RSRC1: variants seen among roughly 807,000 people sequenced by gnomAD.
RSRC1 encodes arginine and serine rich coiled-coil 1, also known as serine/Arginine-related protein 53.
RSRC1 carries 39 observed loss-of-function variants against 49.1 expected under a neutral mutation model. That is an observed-to-expected ratio of 0.79 (90% CI 0.61 to 1.04). RSRC1 has a LOEUF of 1.04. Ranked by LOEUF, RSRC1 falls within the 50% of genes least tolerant of loss-of-function variation. The probability of loss-of-function intolerance (pLI) is 0.00; values close to 1 mark genes in which losing one functional copy is unlikely to be tolerated. For synonymous variants in RSRC1, 143 were observed against 130.8 expected, an observed-to-expected ratio of 1.09 and a Z score of -0.63; for missense variants, 388 against 402.4, an observed-to-expected ratio of 0.96 and a Z score of 0.31.
intron 4 of RSRC1, among the ~76,000 whole-genome samples, chr3:158,264,332 A>G (rs1372996532): frequency 6.6e-6 from 1 of 152,188 alleles, no homozygotes; most frequent in Non-Finnish European, 1.5e-5. Flanking sequence ...GAGTTTCTAG[A>G]TATCTTTTTG....
chr3:158,386,974 C>T (rs1733001318), intron 6 of RSRC1, among the ~76,000 whole-genome samples: 1 of 151,798 alleles, frequency 6.6e-6, no homozygotes, highest in Admixed American at 6.6e-5. Context: ...AAAAGAAATT[C>T]CATGAAGTAC....
chr3:158,357,663 TAAG>T (rs10563221), intron 6 of RSRC1, among the ~76,000 whole-genome samples: 11,159 of 151,996 alleles, frequency 0.073, 1,408 homozygotes, highest in African/African-American at 0.26. Flanking sequence ...AGCAAATAAA[TAAG>T]AAGAACTTGA....
intron 7 of RSRC1, among the ~76,000 whole-genome samples, chr3:158,462,862 A>G (rs1424448915): frequency 6.6e-6 from 1 of 151,916 alleles, no homozygotes; most frequent in African/African-American, 2.4e-5. Context: ...TTTTTCTTTC[A>G]GTTCCTGAGA....
intron 6 of RSRC1, among the ~76,000 whole-genome samples, chr3:158,430,838 A>G (rs1415331154): frequency 6.6e-6 from 1 of 151,958 alleles, no homozygotes; most frequent in African/African-American, 2.4e-5. Context: ...GATGTAAAAT[A>G]TCACATCCAG....
At chr3:158,427,539 C>T (rs1026883379) in intron 6 of RSRC1, among the ~76,000 whole-genome samples, 2 of 151,648 alleles carry the variant, frequency 1.3e-5, no homozygotes, top group African/African-American at 4.8e-5. Context: ...TTTCGCTTGA[C>T]CAAATTTTTT....
At chr3:158,237,757 A>T (rs1273817741) in intron 4 of RSRC1, among the ~76,000 whole-genome samples, 1 of 151,926 alleles carries the variant, frequency 6.6e-6, no homozygotes. Context: ...GCAGACAGGG[A>T]CAATTTGACT....
At chr3:158,498,903 T>C (rs531865430) in intron 7 of RSRC1, among the ~76,000 whole-genome samples, 2 of 152,298 alleles carry the variant, frequency 1.3e-5, no homozygotes, top group African/African-American at 4.8e-5. Context: ...TATTTCCGTG[T>C]TCTCTATTCT....
chr3:158,121,982 G>A (rs1321342495), intron 1 of RSRC1, 121 bp from the exon 2 acceptor site: 1 of 537,598 alleles, frequency 1.9e-6, no homozygotes, highest in East Asian at 3.5e-5. Context: ...TCCAGCCTGG[G>A]ATACAGAGGG....
At chr3:158,205,168 T>C (rs1487050619) in intron 4 of RSRC1, among the ~76,000 whole-genome samples, 1 of 152,170 alleles carries the variant, frequency 6.6e-6, no homozygotes, top group Non-Finnish European at 1.5e-5. Context: ...CACTGGGGAC[T>C]GATGCCAAAA....
At chr3:158,442,783 G>A (rs2108376345) in intron 6 of RSRC1, among the ~76,000 whole-genome samples, 1 of 151,924 alleles carries the variant, frequency 6.6e-6, no homozygotes, top group South Asian at 2.1e-4. Context: ...CATTTTATAG[G>A]GCTATAGCTG....
At chr3:158,474,340 G>A (rs1188485044) in intron 7 of RSRC1, among the ~76,000 whole-genome samples, 1 of 152,168 alleles carries the variant, frequency 6.6e-6, no homozygotes, top group East Asian at 1.9e-4. Context: ...AAAAACCAAT[G>A]TACATACCTT....
chr3:158,288,840 C>G (rs1356059482), intron 4 of RSRC1, among the ~76,000 whole-genome samples: 2 of 87,156 alleles, frequency 2.3e-5, no homozygotes, highest in Admixed American at 2.6e-4. Flanking sequence ...TCCCCGCCCC[C>G]CCCCCCCCCA....
At chr3:158,287,569 T>C (rs1025932113) in intron 4 of RSRC1, among the ~76,000 whole-genome samples, 4 of 152,132 alleles carry the variant, frequency 2.6e-5, no homozygotes, top group African/African-American at 9.7e-5. Context: ...TGTCCAAAAA[T>C]AAGGGATAAG....
Position 158,518,118 on chromosome 3 carries a change from G to GCA in RSRC1, c.653-18974_653-18973insCA, listed in dbSNP as rs1341871336. 9.8e-4 allele frequency among the ~76,000 whole-genome samples: 74 copies of GCA among 75,752 alleles called. 1 individual carries two copies. The highest frequency in any genetic ancestry group is 4.2e-3 in the African/African-American group (63 of 14,860). 49.7% of individuals were successfully genotyped at this position (75,752 alleles called of 152,430 possible). The stretch of plus-strand genomic sequence containing the variant: ...TGCGTGTGTGTGTGTGTGTGTGTGT[G>GCA]TGTGTGTGTATATATATATATATAT... On this transcript the variant is annotated intron_variant, in intron 7 of 9. Coordinates refer to ENST00000611884, the MANE Select transcript of RSRC1 (RefSeq NM_001271838.2).
chr3:158,498,035 G>T (rs1739429647), intron 7 of RSRC1, among the ~76,000 whole-genome samples: 1 of 152,142 alleles, frequency 6.6e-6, no homozygotes, highest in Admixed American at 6.5e-5. Context: ...ACATGAGTGT[G>T]CAAGTATCTT....
intron 5 of RSRC1, among the ~76,000 whole-genome samples, chr3:158,347,846 G>A (rs773803681): frequency 2.0e-5 from 3 of 151,994 alleles, no homozygotes; most frequent in East Asian, 1.9e-4. Flanking sequence ...GAGTCACCAC[G>A]CCCACCCCAA....
At position 158,383,626 on chromosome 3, in the gene RSRC1, G is replaced by A. The variant is rs139487565; in HGVS notation, c.583+28718G>A. ...TTAACATGCATACAAAAAGCCTTGGGGGAATACTCACCAACTATGATGGGG... is the reference window on the plus strand; with the variant it reads ...TTAACATGCATACAAAAAGCCTTGGAGGAATACTCACCAACTATGATGGGG... On this transcript the variant is annotated intron_variant, in intron 6 of 9. Transcript: ENST00000611884. Among the ~76,000 whole-genome samples the A allele has an allele frequency of 1.6e-3, 238 of 152,218 alleles. 3 individuals carry two copies. In the East Asian group the frequency reaches 0.033, roughly 21 times the overall value.
chr3:158,262,807 TG>T (rs1189401839), intron 4 of RSRC1, among the ~76,000 whole-genome samples: 2 of 152,118 alleles, frequency 1.3e-5, no homozygotes, highest in Non-Finnish European at 2.9e-5. Context: ...TATTTCTTTT[TG>T]AAATTATTTA....
chr3:158,280,688 C>T (rs1255033617), intron 4 of RSRC1, among the ~76,000 whole-genome samples: 2 of 131,374 alleles, frequency 1.5e-5, no homozygotes, highest in East Asian at 2.4e-4. Context: ...GCTCTTTTTC[C>T]CAGGCTGGAG....
Sources: allele counts gnomAD v4.1 joint callset (sites outside exome capture counted in the v4.1 genomes callset), GRCh38; gene constraint gnomAD v4.1.1; transcripts MANE v1.5; gene names NCBI Gene and HGNC (gene_info 2026-07-23, HGNC 2026-07-21).